Variants in TXNRD1 observed in about 807,000 individuals in gnomAD.
The protein encoded by TXNRD1 is thioredoxin reductase 1.
In TXNRD1, 57 loss-of-function variants were observed where a neutral mutation model predicts 80.3. The observed-to-expected ratio is 0.71, with a 90% confidence interval of 0.57 to 0.89. The LOEUF (loss-of-function observed/expected upper bound fraction) is 0.89, where lower values mean the gene tolerates loss of function less well. TXNRD1 is among the 40% of genes least tolerant of loss of function. TXNRD1 has a pLI of 0.00. For missense variants in TXNRD1, 730 were observed against 803.0 expected, an observed-to-expected ratio of 0.91 and a Z score of 1.10; for synonymous variants, 291 against 285.2, an observed-to-expected ratio of 1.02 and a Z score of -0.20.
chr12:104,319,189 G>T (rs2035441287), intron 8 of TXNRD1, 134 bp downstream of exon 8: 1 of 1,150,818 alleles, frequency 8.7e-7, no homozygotes. Flanking sequence ...TGGTGATTTT[G>T]CTATCATATC....
At chr12:104,341,735 T>G (rs933716805) in intron 16 of TXNRD1, among the ~76,000 whole-genome samples, 3 of 152,092 alleles carry the variant, frequency 2.0e-5, no homozygotes, top group Non-Finnish European at 4.4e-5. Context: ...GTAACTCAAT[T>G]CTGATACCAG....
chr12:104,240,258 A>G (rs934621520), intron 1 of TXNRD1, among the ~76,000 whole-genome samples: 66 of 152,202 alleles, frequency 4.3e-4, no homozygotes, highest in African/African-American at 1.5e-3. Flanking sequence ...GAGTCTAAGT[A>G]CCATTGTTTT....
At chr12:104,305,682 A>G (rs1240820726) in intron 4 of TXNRD1, among the ~76,000 whole-genome samples, 1 of 152,234 alleles carries the variant, frequency 6.6e-6, no homozygotes, top group Admixed American at 6.5e-5. Flanking sequence ...CAACAATTGA[A>G]TAACTTCATC....
At position 104,319,521 on chromosome 12, in the gene TXNRD1, A is replaced by G. The variant is rs1334228336; in HGVS notation, c.925A>G (p.Ile309Val). The G allele has an allele frequency of 1.2e-6, 2 of 1,604,500 alleles. No homozygotes were observed. The highest frequency in any genetic ancestry group is 1.1e-5 in the South Asian group (1 of 88,670). Residue 309 changes from isoleucine (I) to valine (V), a missense_variant, in exon 9 of 17, where the codon ATT (isoleucine) becomes GTT (valine). Coordinates refer to ENST00000525566, the MANE Select transcript of TXNRD1 (RefSeq NM_001093771.3). ...EKIYSAERFL[I>V]ATGERPRYLG... ...AATTTATTCAGCAGAGAGATTTCTC[A>G]TTGCCACTGGTGAAAGACCACGTTA...
intron 3 of TXNRD1, among the ~76,000 whole-genome samples, chr12:104,262,815 A>C (rs558155217): frequency 2.1e-5 from 3 of 144,848 alleles, no homozygotes; most frequent in African/African-American, 7.6e-5. Context: ...AATTCCTTTT[A>C]TTTTCCTTTA....
chr12:104,240,596 A>G (rs1008521533), intron 1 of TXNRD1, among the ~76,000 whole-genome samples: 1 of 152,196 alleles, frequency 6.6e-6, no homozygotes, highest in African/African-American at 2.4e-5. Context: ...CTCAACTGGT[A>G]TATAGTATGT....
Position 104,321,146 on chromosome 12 carries a change from T to G in TXNRD1, c.1045T>G (p.Ser349Ala). 1 of 1,613,552 alleles carries G rather than the reference T, an allele frequency of 6.2e-7. No individual in the cohort carries two copies. The highest frequency in any genetic ancestry group is 8.5e-7 in the Non-Finnish European group (1 of 1,179,816). The change falls in exon 10 of 17, where the codon TCC becomes GCC. Residue 349 changes from serine to alanine, a missense_variant. Transcript: ENST00000525566. ...CPGKTLVVGA[S>A]YVALECAGFL... ...GGGTAAGACCCTGGTTGTTGGAGCA[T>G]CCTATGTCGCTTTGGAGTGCGCTGG...
intron 1 of TXNRD1, among the ~76,000 whole-genome samples, chr12:104,217,325 T>G (rs1384922956): frequency 6.6e-6 from 1 of 151,854 alleles, no homozygotes; most frequent in East Asian, 1.9e-4. Flanking sequence ...TTTGTTTTTT[T>G]TTTTTTTTTA....
intron 16 of TXNRD1, among the ~76,000 whole-genome samples, chr12:104,345,441 A>C (rs1442036981): frequency 6.6e-6 from 1 of 152,218 alleles, no homozygotes; most frequent in Non-Finnish European, 1.5e-5. Flanking sequence ...ATTCCTTAGC[A>C]AAGTAATTTC....
chr12:104,239,193 A>G (rs1310434099), intron 1 of TXNRD1, among the ~76,000 whole-genome samples: 9 of 80,264 alleles, frequency 1.1e-4, no homozygotes, highest in African/African-American at 4.1e-4. Context: ...TCTTTGTGGG[A>G]ATTTTTTTTT....
At chr12:104,249,584 T>C (rs1331324569) in intron 1 of TXNRD1, among the ~76,000 whole-genome samples, 3 of 152,194 alleles carry the variant, frequency 2.0e-5, no homozygotes, top group Non-Finnish European at 4.4e-5. Context: ...CTAAAAACTA[T>C]TTTTATAAAA....
rs145147966 is a variant in TXNRD1 at position 104,233,343 on chromosome 12, C to T, written c.91+17450C>T. 5.3e-5 allele frequency among the ~76,000 whole-genome samples: 8 copies of T among 152,306 alleles called. No homozygotes were observed. The East Asian group carries it at 7.7e-4, about 15-fold the overall frequency. On this transcript the variant is annotated intron_variant, in intron 1 of 16. Transcript: ENST00000525566. ...TTGAAGAGGAACTTTTTACTTTTCACGGTAAAATAACCAGTTTTTCCAATT... is the reference window on the plus strand; with the variant it reads ...TTGAAGAGGAACTTTTTACTTTTCATGGTAAAATAACCAGTTTTTCCAATT...
At chr12:104,291,091 C>T (rs1333685359) in intron 4 of TXNRD1, 60 of 667,004 alleles carry the variant, frequency 9.0e-5, no homozygotes, top group East Asian at 8.9e-4. Context: ...CTGCAGGTCA[C>T]GACATTTAGT....
At chr12:104,313,924 A>G (rs2135812722) in intron 6 of TXNRD1, among the ~76,000 whole-genome samples, 1 of 152,342 alleles carries the variant, frequency 6.6e-6, no homozygotes, top group East Asian at 1.9e-4. Flanking sequence ...ATAAAGGAGA[A>G]TTTAACTTCG....
In TXNRD1 at chr12:104,294,233, G is replaced by GGCGCCCCC. The variant is rs60817773; in HGVS notation, c.414+5193_414+5194insGCGCCCCC. ...CTTCTCTAAACTCCCCCGGGGAAAGGCCCCCCCCCCCGCCGCCGGCTTTCC... is the reference window on the plus strand; with the variant it reads ...CTTCTCTAAACTCCCCCGGGGAAAGGGCGCCCCCCCCCCCCCCCCGCCGCCGGCTTTCC... On this transcript the variant is annotated intron_variant, in intron 4 of 16. Coordinates refer to ENST00000525566, the MANE Select transcript of TXNRD1 (RefSeq NM_001093771.3). 1.5e-4 allele frequency among the ~76,000 whole-genome samples: 10 copies of GGCGCCCCC among 68,900 alleles called. 1 individual carries two copies. Among genetic ancestry groups the GGCGCCCCC allele is most frequent in the East Asian group, 8.3e-4 (1 of 1,212 alleles). The allele number at this position is 68,900 out of a possible 152,430, so 45.2% of individuals were successfully genotyped here.
At chr12:104,300,633 T>C (rs1283235679) in intron 4 of TXNRD1, among the ~76,000 whole-genome samples, 1 of 152,202 alleles carries the variant, frequency 6.6e-6, no homozygotes, top group Non-Finnish European at 1.5e-5. Context: ...AACTTGAGAT[T>C]GTTTTACTTT....
intron 1 of TXNRD1, among the ~76,000 whole-genome samples, chr12:104,229,348 G>A (rs138889748): frequency 0.013 from 1,927 of 151,374 alleles, 31 homozygotes; most frequent in Middle Eastern, 0.041. Flanking sequence ...GGGTTTCACC[G>A]TGTTGCCCAG....
chr12:104,286,731 T>C, intron 3 of TXNRD1: 4 of 1,014,008 alleles, frequency 3.9e-6, no homozygotes, highest in Non-Finnish European at 3.5e-6. Context: ...GCTACTGCCT[T>C]AGGGCATAGT....
intron 3 of TXNRD1, chr12:104,265,962 A>G (rs2033477047): frequency 6.5e-6 from 4 of 620,078 alleles, no homozygotes; most frequent in Non-Finnish European, 1.1e-5. Flanking sequence ...TCTTAAAAAA[A>G]AAAAAAGAAA....
Sources: gnomAD v4.1 joint callset for allele counts (sites outside exome capture counted in the v4.1 genomes callset) on GRCh38, gnomAD v4.1.1 for gene constraint, MANE v1.5 for transcripts, NCBI Gene and HGNC (gene_info 2026-07-23, HGNC 2026-07-21) for gene names.